PRKAR2B: variants seen among roughly 807,000 people sequenced by gnomAD.
PRKAR2B encodes the protein cAMP-dependent protein kinase type II-beta regulatory subunit.
Under a neutral mutation model 49.9 loss-of-function variants are expected in PRKAR2B, and 14 were observed. That is an observed-to-expected ratio of 0.28 (90% CI 0.19 to 0.44). The LOEUF (loss-of-function observed/expected upper bound fraction) is 0.44, where lower values mean the gene tolerates loss of function less well. PRKAR2B is among the 20% of genes least tolerant of loss of function. PRKAR2B has a pLI of 1.00. For missense variants in PRKAR2B, 393 were observed against 537.9 expected (o/e 0.73, Z 2.67); for synonymous variants, 196 against 197.7 (o/e 0.99, Z 0.07).
intron 1 of PRKAR2B, among the ~76,000 whole-genome samples, chr7:107,053,689 AG>A (rs1168240548): frequency 2.0e-5 from 3 of 152,138 alleles, no homozygotes; most frequent in Non-Finnish European, 4.4e-5. Context: ...GGGAAAATCC[AG>A]GCTTTTTCTT....
At chr7:107,139,672 G>A (rs1414283713) in intron 4 of PRKAR2B, among the ~76,000 whole-genome samples, 4 of 152,038 alleles carry the variant, frequency 2.6e-5, no homozygotes, top group South Asian at 2.1e-4. Flanking sequence ...ACTTACCTTC[G>A]CCCTGAAACT....
At chr7:107,050,333 CTTTTTTTTTTTT>C (rs57752789) in intron 1 of PRKAR2B, among the ~76,000 whole-genome samples, 16 of 68,594 alleles carry the variant, frequency 2.3e-4, no homozygotes, top group Non-Finnish European at 1.8e-4. Context: ...CAGTTACCAG[CTTTTTTTTTTTT>C]TTTTTTTTTT....
chr7:107,068,865 T>C (rs1794206193), intron 1 of PRKAR2B: 1 of 152,222 alleles, frequency 6.6e-6, no homozygotes, highest in Admixed American at 6.5e-5. Flanking sequence ...AGTGACTGTG[T>C]GATCTAAAAC....
chr7:107,076,193 A>G (rs1296324692), intron 2 of PRKAR2B, among the ~76,000 whole-genome samples: 1 of 152,166 alleles, frequency 6.6e-6, no homozygotes, highest in East Asian at 1.9e-4. Context: ...GGAATCTTAA[A>G]TACTTCAGCC....
At chr7:107,074,460 T>A (rs1331964150) in intron 2 of PRKAR2B, among the ~76,000 whole-genome samples, 3 of 152,074 alleles carry the variant, frequency 2.0e-5, no homozygotes, top group African/African-American at 4.8e-5. Context: ...TTCTTTTTGG[T>A]GGAAAATGGA....
chr7:107,137,761 A>G (rs527287944), intron 4 of PRKAR2B, among the ~76,000 whole-genome samples: 2 of 152,322 alleles, frequency 1.3e-5, no homozygotes, highest in Non-Finnish European at 2.9e-5. Flanking sequence ...GAAAAGTGGC[A>G]TCTCATTTCG....
intron 2 of PRKAR2B, among the ~76,000 whole-genome samples, chr7:107,118,637 C>T (rs1795334561): frequency 6.6e-6 from 1 of 152,152 alleles, no homozygotes; most frequent in African/African-American, 2.4e-5. Context: ...GCTCGTCCCA[C>T]TGTATTGCGA....
chr7:107,061,897 G>A (rs1049253979), intron 1 of PRKAR2B, among the ~76,000 whole-genome samples: 6 of 151,752 alleles, frequency 4.0e-5, no homozygotes, highest in East Asian at 1.9e-4. Context: ...ACTCTGTCTC[G>A]GAAAAAAAAG....
intron 1 of PRKAR2B, chr7:107,067,138 C>G (rs953207945): frequency 1.3e-5 from 2 of 152,256 alleles, no homozygotes; most frequent in African/African-American, 2.4e-5. Flanking sequence ...CCTTCCCTGA[C>G]TTACTTTCCT....
intron 6 of PRKAR2B, among the ~76,000 whole-genome samples, chr7:107,147,620 C>T (rs910741553): frequency 2.6e-5 from 4 of 152,148 alleles, no homozygotes; most frequent in Non-Finnish European, 5.9e-5. Context: ...GGGTGAGGCC[C>T]GTGATTTTTG....
At chr7:107,092,251 G>C (rs995703970) in intron 2 of PRKAR2B, among the ~76,000 whole-genome samples, 3 of 149,156 alleles carry the variant, frequency 2.0e-5, no homozygotes, top group African/African-American at 7.4e-5. Context: ...TAAGTTGTGT[G>C]TGTGTGTGTG....
In PRKAR2B at chr7:107,112,172, TC is replaced by T. The variant is rs1431837014; in HGVS notation, c.344-9779del. ...CTGGGTGACAGAGCAAGACTGTGTC[TC>T]TAAAAAAAAAAAAAAAAAAAAAAAA... On this transcript the variant is annotated intron_variant, in intron 2 of 10. Coordinates refer to ENST00000265717, the MANE Select transcript of PRKAR2B (RefSeq NM_002736.3). 2.9e-5 allele frequency among the ~76,000 whole-genome samples: 3 copies of T among 102,778 alleles called. No homozygotes were observed. In the Admixed American group the frequency reaches 3.3e-4, roughly 11 times the overall value. The allele number at this position is 102,778 out of a possible 152,430, so 67.4% of individuals were successfully genotyped here.
chr7:107,104,198 A>AT (rs367586980), intron 2 of PRKAR2B, among the ~76,000 whole-genome samples: 2 of 150,976 alleles, frequency 1.3e-5, no homozygotes, highest in African/African-American at 2.4e-5. Flanking sequence ...TGCCCGGCAA[A>AT]TTTTTTTTTG....
At chr7:107,126,084 TC>T (rs1418089577) in intron 3 of PRKAR2B, among the ~76,000 whole-genome samples, 1 of 76,516 alleles carries the variant, frequency 1.3e-5, no homozygotes, top group African/African-American at 5.1e-5. Context: ...CAAGACTGTG[TC>T]TTAAAAAAAA....
At chr7:107,058,571 C>G (rs1793960168) in intron 1 of PRKAR2B, among the ~76,000 whole-genome samples, 3 of 152,046 alleles carry the variant, frequency 2.0e-5, no homozygotes, top group Non-Finnish European at 4.4e-5. Flanking sequence ...GTTCATACGT[C>G]TTTGATTTTT....
chr7:107,133,768 A>T (rs1795644755), intron 4 of PRKAR2B: 1 of 152,192 alleles, frequency 6.6e-6, no homozygotes, highest in Non-Finnish European at 1.5e-5. Flanking sequence ...TTCTCAGTTT[A>T]ATTAGAGTTT....
At chr7:107,066,092 C>G (rs1794131491) in intron 1 of PRKAR2B, among the ~76,000 whole-genome samples, 1 of 152,088 alleles carries the variant, frequency 6.6e-6, no homozygotes, top group African/African-American at 2.4e-5. Flanking sequence ...ACTCAGTGTT[C>G]CACTGCAGTA....
At chr7:107,159,125 C>T (rs986487585) in intron 10 of PRKAR2B, among the ~76,000 whole-genome samples, 2 of 152,132 alleles carry the variant, frequency 1.3e-5, no homozygotes, top group Admixed American at 6.5e-5. Context: ...AAGGTGGAGA[C>T]AGCACATTTA....
At chr7:107,065,540 C>T (rs573682706) in intron 1 of PRKAR2B, among the ~76,000 whole-genome samples, 1 of 152,132 alleles carries the variant, frequency 6.6e-6, no homozygotes, top group African/African-American at 2.4e-5. Context: ...CTTTCACCTG[C>T]GGTATTTCTA....
Sources: gnomAD v4.1 joint callset for allele counts (sites outside exome capture counted in the v4.1 genomes callset) on GRCh38, gnomAD v4.1.1 for gene constraint, MANE v1.5 for transcripts, NCBI Gene and HGNC (gene_info 2026-07-23, HGNC 2026-07-21) for gene names.